Variants in SLCO5A1 observed in about 807,000 individuals in gnomAD.
The protein encoded by SLCO5A1 is solute carrier organic anion transporter family member 5A1, also known as organic anion transporter polypeptide-related protein 4.
In SLCO5A1, 39 loss-of-function variants were observed where a neutral mutation model predicts 65.1. The ratio of observed to expected loss-of-function variants is 0.60; its 90% CI spans 0.46 to 0.78. SLCO5A1 has a LOEUF of 0.78. Ranked by LOEUF, SLCO5A1 falls within the 30% of genes least tolerant of loss-of-function variation. The pLI is 0.00. For synonymous variants in SLCO5A1, 438 were observed against 415.7 expected (o/e 1.05, Z -0.65); for missense variants, 1,029 against 1,069.4 (o/e 0.96, Z 0.53).
intron 6 of SLCO5A1, among the ~76,000 whole-genome samples, chr8:69,687,357 G>C (rs1244736748): frequency 6.6e-6 from 1 of 152,166 alleles, no homozygotes; most frequent in Non-Finnish European, 1.5e-5. Context: ...CATAGGTTTA[G>C]AAGAGGACTA....
intron 2 of SLCO5A1, among the ~76,000 whole-genome samples, chr8:69,778,613 C>CA (rs1176063006): frequency 6.6e-6 from 1 of 151,976 alleles, no homozygotes. Flanking sequence ...TTAAAATAAG[C>CA]AAAAAAATTA....
intron 6 of SLCO5A1, among the ~76,000 whole-genome samples, chr8:69,701,900 A>G (rs1814754367): frequency 6.6e-6 from 1 of 152,222 alleles, no homozygotes; most frequent in Admixed American, 6.5e-5. Flanking sequence ...TAAATTTAAC[A>G]TGAAAATACA....
At chr8:69,829,012 T>G (rs1821048630) in intron 2 of SLCO5A1, among the ~76,000 whole-genome samples, 1 of 152,192 alleles carries the variant, frequency 6.6e-6, no homozygotes, top group African/African-American at 2.4e-5. Context: ...AGCAAGAATA[T>G]GAAAAACAAC....
At chr8:69,705,344 C>A in intron 5 of SLCO5A1, 115 bp from the exon 6 acceptor site, 1 of 794,202 alleles carries the variant, frequency 1.3e-6, no homozygotes, top group South Asian at 1.8e-5. Context: ...TTACTATAAT[C>A]AATACATCTT....
chr8:69,830,269 G>A (rs1007416852), intron 2 of SLCO5A1, among the ~76,000 whole-genome samples: 5 of 152,126 alleles, frequency 3.3e-5, no homozygotes, highest in Non-Finnish European at 5.9e-5. Flanking sequence ...CATTTACACC[G>A]TCCTTTGAAA....
intron 2 of SLCO5A1, among the ~76,000 whole-genome samples, chr8:69,816,059 T>C (rs1820394699): frequency 6.6e-6 from 1 of 152,204 alleles, no homozygotes; most frequent in African/African-American, 2.4e-5. Context: ...GATTCTATGA[T>C]CTAGAGATTT....
In SLCO5A1 at chr8:69,746,507, T is replaced by C. The variant is rs1167818213; in HGVS notation, c.1259-8303A>G. Among the ~76,000 whole-genome samples, 9 of 152,190 alleles carry C rather than the reference T, an allele frequency of 5.9e-5. 1 individual carries two copies. In the South Asian group the frequency reaches 1.7e-3, roughly 28 times the overall value. On this transcript the variant is annotated intron_variant, in intron 4 of 9. Transcript: ENST00000260126. ...CAACCAGAGTAGAAGGTCATAGTTA[T>C]ATAAAAGATGGGGATTTTTATTGAT...
At chr8:69,819,221 C>T (rs1036640679) in intron 2 of SLCO5A1, among the ~76,000 whole-genome samples, 1 of 151,896 alleles carries the variant, frequency 6.6e-6, no homozygotes, top group Non-Finnish European at 1.5e-5. Context: ...TGGAATAAAC[C>T]GGGCATGCTC....
At position 69,773,056 on chromosome 8, in the gene SLCO5A1, G is replaced by A. The variant is rs914788443; in HGVS notation, c.908-11181C>T. 6.8e-6 allele frequency: 5 copies of A among 736,890 alleles called. No individual in the cohort carries two copies. The African/African-American group carries it at 9.6e-5, about 14-fold the overall frequency. 45.6% of individuals were successfully genotyped at this position (736,890 alleles called of 1,614,324 possible). On this transcript the variant is annotated intron_variant, in intron 2 of 9. Transcript: ENST00000260126. ...TCATGGATGCTAGACACTAAAGGCT[G>A]AGCAGCACACATGGGCAAAGGCACA...
At chr8:69,820,708 A>T (rs913796485) in intron 2 of SLCO5A1, among the ~76,000 whole-genome samples, 1 of 152,174 alleles carries the variant, frequency 6.6e-6, no homozygotes, top group Non-Finnish European at 1.5e-5. Flanking sequence ...GTTTAAAAAA[A>T]TATTTTTCCG....
chr8:69,801,535 A>T (rs1586816216), intron 2 of SLCO5A1, among the ~76,000 whole-genome samples: 1 of 152,170 alleles, frequency 6.6e-6, no homozygotes, highest in Non-Finnish European at 1.5e-5. Context: ...ATTACTATAG[A>T]TCTTAGTCTT....
intron 2 of SLCO5A1, among the ~76,000 whole-genome samples, chr8:69,813,721 A>C (rs1160868083): frequency 6.6e-6 from 1 of 152,228 alleles, no homozygotes; most frequent in Non-Finnish European, 1.5e-5. Context: ...GAAAAAGACC[A>C]CATCAAGTCG....
In SLCO5A1 at chr8:69,670,844, C is replaced by T. The variant is rs1033880477; in HGVS notation, c.*2025G>A. The T allele has an allele frequency of 6.6e-6, 1 of 152,236 alleles. No individual in the cohort carries two copies. Among genetic ancestry groups the T allele is most frequent in the Admixed American group, 6.5e-5 (1 of 15,284 alleles). The allele number at this position is 152,236 out of a possible 1,614,324, so 9.4% of individuals were successfully genotyped here. A position where few individuals can be genotyped will look rare whatever the true frequency, so the allele number is the denominator to read the frequency against. ...GAAAACACCACACCTCTCCAATCTA[C>T]ATATCTTTAACTCCCACACCAAAGG... On this transcript the variant is annotated 3_prime_UTR_variant, in exon 10 of 10. Coordinates refer to ENST00000260126, the MANE Select transcript of SLCO5A1 (RefSeq NM_030958.3).
At chr8:69,690,565 T>C (rs1391114184) in intron 6 of SLCO5A1, among the ~76,000 whole-genome samples, 1 of 152,234 alleles carries the variant, frequency 6.6e-6, no homozygotes, top group African/African-American at 2.4e-5. Context: ...CACCATGTTG[T>C]CCTACGGTAA....
intron 4 of SLCO5A1, among the ~76,000 whole-genome samples, chr8:69,751,757 G>A (rs1057131699): frequency 2.6e-5 from 4 of 152,012 alleles, no homozygotes; most frequent in African/African-American, 9.7e-5. Context: ...ATGTTGGCCA[G>A]GTTGGTCTCG....
intron 2 of SLCO5A1, among the ~76,000 whole-genome samples, chr8:69,830,362 T>A (rs1178480144): frequency 6.6e-6 from 1 of 152,178 alleles, no homozygotes; most frequent in Admixed American, 6.5e-5. Flanking sequence ...TTATTTATCA[T>A]TTTAATTTTT....
intron 5 of SLCO5A1, among the ~76,000 whole-genome samples, chr8:69,734,775 T>C (rs1283920550): frequency 6.6e-6 from 1 of 152,222 alleles, no homozygotes; most frequent in Admixed American, 6.5e-5. Context: ...CTCAAAAACT[T>C]TGTCAGATGA....
chr8:69,737,015 A>T lies in SLCO5A1; in HGVS notation c.1423+1025T>A, dbSNP rs149792031. Among the ~76,000 whole-genome samples, 1,326 of 152,312 alleles carry T rather than the reference A, an allele frequency of 8.7e-3. 19 individuals carry two copies. The highest frequency in any genetic ancestry group is 0.03 in the African/African-American group (1,246 of 41,566). The stretch of plus-strand genomic sequence containing the variant: ...GAAATCATATATTTTTGCAACCAAG[A>T]TCAAGAAAAACATATTTTAAGTCAC... On this transcript the variant is annotated intron_variant, in intron 5 of 9. Coordinates refer to ENST00000260126, the MANE Select transcript of SLCO5A1 (RefSeq NM_030958.3).
At chr8:69,702,656 A>G (rs780278124) in intron 6 of SLCO5A1, among the ~76,000 whole-genome samples, 9 of 152,244 alleles carry the variant, frequency 5.9e-5, no homozygotes, top group Non-Finnish European at 1.3e-4. Flanking sequence ...AGATGAAATC[A>G]AAGCTTTTGT....
Sources: gnomAD v4.1 joint callset for allele counts (sites outside exome capture counted in the v4.1 genomes callset) on GRCh38, gnomAD v4.1.1 for gene constraint, MANE v1.5 for transcripts, NCBI Gene and HGNC (gene_info 2026-07-23, HGNC 2026-07-21) for gene names.